GRID1: variants seen among roughly 807,000 people sequenced by gnomAD.
GRID1 encodes glutamate receptor ionotropic, delta-1.
Under a neutral mutation model 98.0 loss-of-function variants are expected in GRID1, and 28 were observed. The ratio of observed to expected loss-of-function variants is 0.29; its 90% CI spans 0.21 to 0.39. GRID1 has a LOEUF of 0.39. Ranked by LOEUF, GRID1 falls within the 10% of genes least tolerant of loss-of-function variation. The pLI, the probability that GRID1 is intolerant of heterozygous loss-of-function variation, is 1.00. For synonymous variants in GRID1, 553 were observed against 538.5 expected, an observed-to-expected ratio of 1.03 and a Z score of -0.37; for missense variants, 1,111 against 1,340.5, an observed-to-expected ratio of 0.83 and a Z score of 2.67.
chr10:85,665,129 C>T (rs1313461729), intron 12 of GRID1, among the ~76,000 whole-genome samples: 1 of 152,120 alleles, frequency 6.6e-6, no homozygotes, highest in Non-Finnish European at 1.5e-5. Flanking sequence ...GGTTGGGGAA[C>T]CAGGTGTGAC....
chr10:86,175,662 G>C (rs1295556457), intron 3 of GRID1, among the ~76,000 whole-genome samples: 1 of 152,146 alleles, frequency 6.6e-6, no homozygotes, highest in Non-Finnish European at 1.5e-5. Context: ...GCACAGGGGA[G>C]TGTTTGGTAA....
At chr10:85,993,012 G>A (rs2131869371) in intron 4 of GRID1, among the ~76,000 whole-genome samples, 1 of 152,300 alleles carries the variant, frequency 6.6e-6, no homozygotes. Context: ...GGTGGTGCAG[G>A]AAGGGAAAGA....
chr10:85,621,110 G>A (rs1842854167), intron 13 of GRID1, among the ~76,000 whole-genome samples: 1 of 152,188 alleles, frequency 6.6e-6, no homozygotes, highest in Non-Finnish European at 1.5e-5. Flanking sequence ...TTTCTGGAAG[G>A]AGATGCAAAC....
intron 2 of GRID1, among the ~76,000 whole-genome samples, chr10:86,312,945 G>A (rs11201977): frequency 0.034 from 5,109 of 152,344 alleles, 120 homozygotes; most frequent in Non-Finnish European, 0.056. Context: ...ACGCCTCAAG[G>A]ATGCCTAGCA....
chr10:86,322,390 A>ATG (rs1370641126), intron 2 of GRID1, among the ~76,000 whole-genome samples: 1 of 152,132 alleles, frequency 6.6e-6, no homozygotes, highest in Non-Finnish European at 1.5e-5. Context: ...AAGTAGAATT[A>ATG]TGTTTTGTTG....
chr10:86,195,700 G>A lies in GRID1; in HGVS notation c.520+10664C>T, dbSNP rs914144570. ...TAACTTCCAGCAAGGAACTGGGTAC[G>A]TGAAGGGCTGAGAGGAGACATAATG... On this transcript the variant is annotated intron_variant, in intron 3 of 15. Coordinates refer to ENST00000327946, the MANE Select transcript of GRID1 (RefSeq NM_017551.3). The surrounding 1 kb of genome is among the most constrained non-coding windows in gnomAD (Gnocchi z 4.4). Among the ~76,000 whole-genome samples the A allele has an allele frequency of 9.9e-5, 15 of 152,116 alleles. No homozygotes were observed. The highest frequency in any genetic ancestry group is 2.0e-4 in the Admixed American group (3 of 15,276).
At chr10:86,047,995 C>T (rs551417723) in intron 4 of GRID1, among the ~76,000 whole-genome samples, 31 of 152,238 alleles carry the variant, frequency 2.0e-4, no homozygotes, top group African/African-American at 6.0e-4. Context: ...TGTGGCAATG[C>T]GGTGACTGCA....
At chr10:86,337,173 A>G (rs1365275334) in intron 2 of GRID1, among the ~76,000 whole-genome samples, 2 of 151,970 alleles carry the variant, frequency 1.3e-5, no homozygotes, top group African/African-American at 4.8e-5. Flanking sequence ...TCTCTATCTG[A>G]CCGACTCATC....
intron 8 of GRID1, among the ~76,000 whole-genome samples, chr10:85,742,355 T>G (rs573247388): frequency 1.8e-4 from 27 of 152,214 alleles, no homozygotes; most frequent in Non-Finnish European, 3.7e-4. Context: ...TGGGTTCTAG[T>G]AGACTTTACT....
chr10:86,105,761 C>A (rs1436440276), intron 4 of GRID1, among the ~76,000 whole-genome samples: 1 of 152,178 alleles, frequency 6.6e-6, no homozygotes, highest in Non-Finnish European at 1.5e-5. Context: ...GTCAAATAAG[C>A]CTGTGACAGA....
At chr10:85,939,717 C>A (rs1247283093) in intron 4 of GRID1, among the ~76,000 whole-genome samples, 1 of 152,106 alleles carries the variant, frequency 6.6e-6, no homozygotes, top group African/African-American at 2.4e-5. Context: ...ATTCCATCTG[C>A]AACCTTAATT....
chr10:85,963,304 C>T (rs1250696142), intron 4 of GRID1, among the ~76,000 whole-genome samples: 1 of 152,164 alleles, frequency 6.6e-6, no homozygotes, highest in African/African-American at 2.4e-5. Context: ...CCAACCCTTC[C>T]TTCCTTTCTC....
chr10:86,264,622 G>T, intron 2 of GRID1: 7 of 459,680 alleles, frequency 1.5e-5, no homozygotes, highest in South Asian at 1.1e-4. Context: ...GCCCCACGCT[G>T]ACTGTGGAGG....
intron 4 of GRID1, among the ~76,000 whole-genome samples, chr10:86,007,407 C>A (rs1261022934): frequency 3.3e-5 from 5 of 152,178 alleles, no homozygotes; most frequent in East Asian, 1.9e-4. Context: ...CGCACCCCCC[C>A]ACCTCCAATA....
rs1219764138 is a variant in GRID1 at position 85,975,343 on chromosome 10, C to T, written c.727-59104G>A. Among the ~76,000 whole-genome samples the T allele has an allele frequency of 4.6e-5, 7 of 152,202 alleles. No individual in the cohort carries two copies. In the East Asian group the frequency reaches 1.2e-3, roughly 25 times the overall value. ...ACAGGGCTTGCGCAGCCTTTCCTGG[C>T]TGACTGTGGGGAACTGAAGGGCCAT... is the stretch of plus-strand genomic sequence containing the variant. On this transcript the variant is annotated intron_variant, in intron 4 of 15. Coordinates refer to ENST00000327946, the MANE Select transcript of GRID1 (RefSeq NM_017551.3).
intron 5 of GRID1, among the ~76,000 whole-genome samples, chr10:85,869,722 T>C (rs1843258130): frequency 6.6e-6 from 1 of 152,226 alleles, no homozygotes; most frequent in Non-Finnish European, 1.5e-5. Flanking sequence ...TGTTCTGTAC[T>C]AAGCACTGTG....
intron 3 of GRID1, among the ~76,000 whole-genome samples, chr10:86,168,131 G>T (rs1245052225): frequency 6.6e-6 from 1 of 152,184 alleles, no homozygotes; most frequent in Non-Finnish European, 1.5e-5. Context: ...ACGGGGCAAG[G>T]TGAGCCTGCA....
chr10:85,727,754 A>C, intron 10 of GRID1, 101 bp downstream of exon 10: 1 of 816,862 alleles, frequency 1.2e-6, no homozygotes, highest in Non-Finnish European at 2.1e-6. Flanking sequence ...TGGTCTGTTT[A>C]GCTGGTCCCA....
At chr10:85,726,944 A>T (rs1346187466) in intron 10 of GRID1, among the ~76,000 whole-genome samples, 2 of 152,232 alleles carry the variant, frequency 1.3e-5, no homozygotes, top group African/African-American at 4.8e-5. Context: ...GGTGTTTCTG[A>T]AAAAGATTAA....
Sources: gnomAD v4.1 joint callset for allele counts (sites outside exome capture counted in the v4.1 genomes callset) on GRCh38, gnomAD v4.1.1 for gene constraint, Gnocchi (gnomAD v3.1) non-coding constraint, MANE v1.5 for transcripts, NCBI Gene and HGNC (gene_info 2026-07-23, HGNC 2026-07-21) for gene names.